ADCY7: variants seen among roughly 807,000 people sequenced by gnomAD.
ADCY7 encodes adenylate cyclase type 7.
ADCY7 carries 72 observed loss-of-function variants against 120.6 expected under a neutral mutation model. That is an observed-to-expected ratio of 0.60 (90% CI 0.49 to 0.73). The LOEUF (loss-of-function observed/expected upper bound fraction) is 0.73, where lower values mean the gene tolerates loss of function less well. ADCY7 is among the 30% of genes least tolerant of loss of function. ADCY7 has a pLI of 0.00. For synonymous variants in ADCY7, 661 were observed against 628.0 expected (o/e 1.05, Z -0.78); for missense variants, 1,227 against 1,486.0 (o/e 0.83, Z 2.87).
At chr16:50,306,643 C>A (rs942106561) in intron 14 of ADCY7, among the ~76,000 whole-genome samples, 12 of 152,316 alleles carry the variant, frequency 7.9e-5, no homozygotes, top group African/African-American at 2.9e-4. Flanking sequence ...GCCCCGGAAG[C>A]TCAGACTTGG....
chr16:50,291,998 G>T, intron 4 of ADCY7, 101 bp downstream of exon 4: 1 of 1,337,762 alleles, frequency 7.5e-7, no homozygotes, highest in Non-Finnish European at 1.0e-6. Flanking sequence ...AGGCCCCGGA[G>T]CCGTGTTTGC....
At chr16:50,255,498 T>C (rs538938303) in intron 1 of ADCY7, among the ~76,000 whole-genome samples, 1 of 151,666 alleles carries the variant, frequency 6.6e-6, no homozygotes, top group Non-Finnish European at 1.5e-5. Flanking sequence ...ATGATTTGTT[T>C]GTTTGTTTGT....
At chr16:50,314,590 T>C (rs1475703654) in intron 24 of ADCY7, 184 bp downstream of exon 24, 3 of 561,416 alleles carry the variant, frequency 5.3e-6, no homozygotes, top group East Asian at 2.9e-5. Flanking sequence ...TAGTTACCAT[T>C]GAGAGTTTTA....
At chr16:50,310,362 T>G in intron 18 of ADCY7, 1 of 1,140,444 alleles carries the variant, frequency 8.8e-7, no homozygotes, top group Non-Finnish European at 1.3e-6. Flanking sequence ...CAGAGGTCCT[T>G]TGGGAGGGTA....
At chr16:50,314,149 C>A in intron 23 of ADCY7, 87 bp downstream of exon 23, 1 of 1,444,044 alleles carries the variant, frequency 6.9e-7, no homozygotes, top group Non-Finnish European at 9.6e-7. Flanking sequence ...GCCCTTATCT[C>A]GTCCTGGGGG....
intron 1 of ADCY7, among the ~76,000 whole-genome samples, chr16:50,257,018 A>G (rs548835584): frequency 5.3e-5 from 8 of 152,322 alleles, no homozygotes; most frequent in African/African-American, 1.9e-4. Context: ...CCTAATGGAC[A>G]TTACACTAAG....
At chr16:50,306,478 G>T (rs892063071) in intron 14 of ADCY7, among the ~76,000 whole-genome samples, 29 of 151,854 alleles carry the variant, frequency 1.9e-4, no homozygotes, top group African/African-American at 7.0e-4. Flanking sequence ...CTGGCAGGGT[G>T]TGGCCAGTGT....
intron 1 of ADCY7, among the ~76,000 whole-genome samples, chr16:50,258,795 C>T (rs1043975521): frequency 6.6e-6 from 1 of 152,006 alleles, no homozygotes; most frequent in Non-Finnish European, 1.5e-5. Context: ...CTCTGTTGCG[C>T]CGGCTGGTCT....
At chr16:50,293,600 C>T in intron 6 of ADCY7, 98 bp downstream of exon 6, 1 of 1,441,504 alleles carries the variant, frequency 6.9e-7, no homozygotes, top group Non-Finnish European at 9.4e-7. Flanking sequence ...AGGCTCAGAC[C>T]CCTGCCCATA....
intron 1 of ADCY7, among the ~76,000 whole-genome samples, chr16:50,252,870 C>T (rs1362172935): frequency 6.6e-6 from 1 of 152,156 alleles, no homozygotes; most frequent in Admixed American, 6.5e-5. Flanking sequence ...GAAAAAACTT[C>T]TTAATAGAAT....
intron 7 of ADCY7, 103 bp downstream of exon 7, chr16:50,294,854 G>C (rs1044620879): frequency 7.8e-6 from 6 of 773,166 alleles, no homozygotes; most frequent in Non-Finnish European, 1.0e-5. Context: ...GGGATGGGGA[G>C]GCGTGGCTGA....
Position 50,253,607 on chromosome 16 carries a change from G to A in ADCY7, c.-64+7404G>A, listed in dbSNP as rs529161917. Reference sequence around the variant, plus strand: ...GTGCCCTCAGGCTGGACCCAGGTTTGTGGTGGGACCACGTCTGGGAGTGTG... The same window carrying A: ...GTGCCCTCAGGCTGGACCCAGGTTTATGGTGGGACCACGTCTGGGAGTGTG... On this transcript the variant is annotated intron_variant, in intron 1 of 4. Transcript: ENST00000564044. 7.9e-5 allele frequency among the ~76,000 whole-genome samples: 12 copies of A among 152,372 alleles called. No homozygotes were observed. In the East Asian group the frequency reaches 2.3e-3, roughly 29 times the overall value.
At chr16:50,304,895 G>T (rs752712391) in intron 11 of ADCY7, 30 bp from the exon 12 acceptor site, 5 of 1,613,724 alleles carry the variant, frequency 3.1e-6, no homozygotes, top group South Asian at 1.1e-5. Context: ...TCTGGGGAAT[G>T]ACTGTATCCT....
intron 10 of ADCY7, among the ~76,000 whole-genome samples, chr16:50,302,453 G>T (rs1411245649): frequency 6.6e-6 from 1 of 152,226 alleles, no homozygotes; most frequent in Non-Finnish European, 1.5e-5. Flanking sequence ...ACTGCAGGCT[G>T]CCTGGGCCGA....
chr16:50,263,660 G>A (rs143900940), upstream of ADCY7, among the ~76,000 whole-genome samples: 368 of 152,108 alleles, frequency 2.4e-3, 2 homozygotes, highest in African/African-American at 5.0e-3. Flanking sequence ...CTGTGTCCAG[G>A]CATCTACATG....
At position 50,301,136 on chromosome 16, in the gene ADCY7, G is replaced by A. The variant is rs2035692386; in HGVS notation, c.1290G>A (p.Val430=). 1 of 1,614,004 alleles carries A rather than the reference G, an allele frequency of 6.2e-7. No individual in the cohort carries two copies. The highest frequency in any genetic ancestry group is 1.7e-4 in the Middle Eastern group (1 of 6,054). ...AGCACCTGGACAAGGCGTACGAGGT[G>A]GAGGATGGGCACGGGCAGCAGCGGG... ...TLKHLDKAYE[V]EDGHGQQRDP... The change falls in exon 10 of 26, where the codon GTG becomes GTA. Residue 430 remains valine (V), a synonymous_variant. Transcript: ENST00000673801.
intron 6 of ADCY7, among the ~76,000 whole-genome samples, chr16:50,293,995 T>C (rs1410051222): frequency 6.6e-6 from 1 of 152,258 alleles, no homozygotes; most frequent in East Asian, 1.9e-4. Flanking sequence ...TGAGTGTAGA[T>C]GTGGGTCCCA....
chr16:50,311,589 C>T, intron 19 of ADCY7, 104 bp from the exon 20 acceptor site: 1 of 763,772 alleles, frequency 1.3e-6, no homozygotes, highest in Non-Finnish European at 2.3e-6. Flanking sequence ...CCATTAGAAT[C>T]AATTTTCCCC....
At chr16:50,311,624 TG>T in intron 19 of ADCY7, 68 bp from the exon 20 acceptor site, 1 of 1,134,406 alleles carries the variant, frequency 8.8e-7, no homozygotes, top group Non-Finnish European at 1.3e-6. Context: ...GCGTGGCACC[TG>T]GAGAGCATGA....
Sources: allele counts gnomAD v4.1 joint callset (sites outside exome capture counted in the v4.1 genomes callset), GRCh38; gene constraint gnomAD v4.1.1; transcripts MANE v1.5; gene names NCBI Gene and HGNC (gene_info 2026-07-23, HGNC 2026-07-21).